The following DYNC2H1 variants were observed in gnomAD, a reference collection of about 807,000 sequenced individuals.
DYNC2H1 encodes the protein dynein cytoplasmic 2 heavy chain 1.
Under a neutral mutation model 570.0 loss-of-function variants are expected in DYNC2H1, and 410 were observed. The observed-to-expected ratio is 0.72, with a 90% CI of 0.66 to 0.78. DYNC2H1 has a LOEUF of 0.78. Among genes scored for constraint, DYNC2H1 ranks in the 30% least tolerant of loss-of-function variants. The pLI is 0.00. For missense variants in DYNC2H1, 4,865 were observed against 5,046.4 expected (o/e 0.96, Z 1.09); for synonymous variants, 1,688 against 1,677.6 (o/e 1.01, Z -0.15).
chr11:103,191,678 G>T (rs1039104078), intron 46 of DYNC2H1, 59 bp downstream of exon 46: 2 of 1,000,370 alleles, frequency 2.0e-6, no homozygotes, highest in Admixed American at 5.6e-5. Context: ...TTATTCTCTA[G>T]ATTGTATTTG....
At chr11:103,232,569 C>G (rs1294490329) in intron 60 of DYNC2H1, among the ~76,000 whole-genome samples, 1 of 151,874 alleles carries the variant, frequency 6.6e-6, no homozygotes, top group Non-Finnish European at 1.5e-5. Flanking sequence ...TTATACTGAT[C>G]CTTAATTAAG....
intron 85 of DYNC2H1, among the ~76,000 whole-genome samples, chr11:103,438,601 G>T (rs1166114328): frequency 1.3e-5 from 2 of 152,130 alleles, no homozygotes; most frequent in Non-Finnish European, 2.9e-5. Context: ...TGGGAAAAGA[G>T]AACAAACTAT....
intron 87 of DYNC2H1, among the ~76,000 whole-genome samples, chr11:103,463,705 C>A (rs1945097051): frequency 6.6e-6 from 1 of 152,194 alleles, no homozygotes; most frequent in African/African-American, 2.4e-5. Context: ...GAGTCATGAT[C>A]ATGCCACTGT....
intron 75 of DYNC2H1, among the ~76,000 whole-genome samples, chr11:103,301,939 G>A (rs190956909): frequency 4.3e-4 from 65 of 151,732 alleles, no homozygotes; most frequent in African/African-American, 1.4e-3. Flanking sequence ...CTAATTTTTC[G>A]TTTATTTTTA....
At chr11:103,266,840 C>T (rs1447080125) in intron 70 of DYNC2H1, among the ~76,000 whole-genome samples, 2 of 152,174 alleles carry the variant, frequency 1.3e-5, no homozygotes, top group Admixed American at 6.5e-5. Flanking sequence ...GAGATGCCAG[C>T]AGACCAAGGG....
At chr11:103,119,697 T>A (rs1858601719) in intron 6 of DYNC2H1, among the ~76,000 whole-genome samples, 1 of 152,170 alleles carries the variant, frequency 6.6e-6, no homozygotes, top group Non-Finnish European at 1.5e-5. Flanking sequence ...GCCCAGCCCA[T>A]GTTGTACATT....
chr11:103,132,232 C>G (rs1027752866), intron 13 of DYNC2H1, among the ~76,000 whole-genome samples: 1 of 152,010 alleles, frequency 6.6e-6, no homozygotes, highest in African/African-American at 2.4e-5. Context: ...GATTTTTTCT[C>G]AAATGTACTC....
In DYNC2H1 at chr11:103,152,293, T is replaced by A. The variant is rs1310378983; in HGVS notation, c.3096+8T>A. The A allele has an allele frequency of 6.4e-7, 1 of 1,572,180 alleles. No homozygotes were observed. ...CTTATGATTAAAGACCAGGTTAGAATCTTTTAATTATTTATTAAAATGGGA... is the reference window on the plus strand; with the variant it reads ...CTTATGATTAAAGACCAGGTTAGAAACTTTTAATTATTTATTAAAATGGGA... On this transcript the variant is annotated splice_region_variant and intron_variant, in intron 21 of 88. Transcript: ENST00000375735.
Position 103,135,852 on chromosome 11 carries a change from T to C in DYNC2H1, c.2478T>C (p.Ser826=). 6.2e-7 allele frequency: 1 copy of C among 1,613,212 alleles called. No individual in the cohort carries two copies. Among genetic ancestry groups the C allele is most frequent in the Non-Finnish European group, 8.5e-7 (1 of 1,179,582 alleles). ...VGEAGDESIF[S]IMIDRNASGF... Reference sequence around the variant, plus strand: ...AGGCAGGAGATGAATCTATTTTTTCTATTATGATTGATAGAAATGCAAGTG... The same window carrying C: ...AGGCAGGAGATGAATCTATTTTTTCCATTATGATTGATAGAAATGCAAGTG... The change falls in exon 17 of 89, where the codon TCT becomes TCC. Residue 826 remains serine, a synonymous_variant. Coordinates refer to ENST00000375735, the MANE Select transcript of DYNC2H1 (RefSeq NM_001377.3).
intron 77 of DYNC2H1, 47 bp downstream of exon 77, chr11:103,304,767 G>T: frequency 6.4e-7 from 1 of 1,566,724 alleles, no homozygotes. Flanking sequence ...ACTCAACTTA[G>T]CAATCTCCAA....
chr11:103,118,777 C>T (rs1858549183), intron 6 of DYNC2H1, among the ~76,000 whole-genome samples: 2 of 152,070 alleles, frequency 1.3e-5, no homozygotes, highest in African/African-American at 4.8e-5. Flanking sequence ...AAAGTTTCCC[C>T]TTTTTTTATG....
chr11:103,252,806 T>A lies in DYNC2H1; in HGVS notation c.10043-479T>A, dbSNP rs1864886232. On this transcript the variant is annotated intron_variant, in intron 65 of 88. Coordinates refer to ENST00000375735, the MANE Select transcript of DYNC2H1 (RefSeq NM_001377.3). This position sits in a 1 kb window ranked among gnomAD's most constrained non-coding sequence, Gnocchi z 4.6. ...TCCAAGTTTTTAGGTTATTCTTTCATTTTGTTGATAATGTGTATTTTTCAG... is the reference window on the plus strand; with the variant it reads ...TCCAAGTTTTTAGGTTATTCTTTCAATTTGTTGATAATGTGTATTTTTCAG... Among the ~76,000 whole-genome samples, 1 of 152,222 alleles carries A rather than the reference T, an allele frequency of 6.6e-6. No homozygotes were observed. The highest frequency in any genetic ancestry group is 1.5e-5 in the Non-Finnish European group (1 of 68,024).
At chr11:103,354,317 T>A (rs1339853179) in intron 82 of DYNC2H1, among the ~76,000 whole-genome samples, 1 of 152,006 alleles carries the variant, frequency 6.6e-6, no homozygotes, top group African/African-American at 2.4e-5. Flanking sequence ...AAATTCTGGG[T>A]TTTTTTCTGT....
At chr11:103,218,405 A>G (rs1333337917) in intron 55 of DYNC2H1, among the ~76,000 whole-genome samples, 1 of 152,180 alleles carries the variant, frequency 6.6e-6, no homozygotes, top group Non-Finnish European at 1.5e-5. Flanking sequence ...ATGTAAATAT[A>G]ATTTTTATAC....
At chr11:103,247,908 GT>G (rs1191696494) in intron 65 of DYNC2H1, among the ~76,000 whole-genome samples, 2 of 151,980 alleles carry the variant, frequency 1.3e-5, no homozygotes, top group African/African-American at 4.8e-5. Context: ...TACCTGAAGG[GT>G]ATAGGGACCG....
chr11:103,149,562 G>T (rs1302688798), intron 20 of DYNC2H1, among the ~76,000 whole-genome samples: 2 of 152,142 alleles, frequency 1.3e-5, no homozygotes, highest in African/African-American at 4.8e-5. Context: ...AGACTTAAAG[G>T]TATTAAAGAG....
At chr11:103,392,337 G>A (rs935803422) in intron 83 of DYNC2H1, among the ~76,000 whole-genome samples, 1 of 152,202 alleles carries the variant, frequency 6.6e-6, no homozygotes, top group Non-Finnish European at 1.5e-5. Context: ...CGTTTGCTAA[G>A]ACCGTTGGAA....
chr11:103,256,069 T>C lies in DYNC2H1; in HGVS notation c.10327-37T>C, dbSNP rs1221887985. On this transcript the variant is annotated intron_variant, in intron 67 of 88. Coordinates refer to ENST00000375735, the MANE Select transcript of DYNC2H1 (RefSeq NM_001377.3). This position sits in a 1 kb window ranked among gnomAD's most constrained non-coding sequence, Gnocchi z 4.0. ...TTTGCTTTAATTGGTTATTTTTATA[T>C]GTATAATAATATTCATATTGTTAAC... is the stretch of plus-strand genomic sequence containing the variant. 2 of 1,508,116 alleles carry C rather than the reference T, an allele frequency of 1.3e-6. No individual in the cohort carries two copies. Among genetic ancestry groups the C allele is most frequent in the Non-Finnish European group, 1.8e-6 (2 of 1,119,726 alleles). 93.4% of individuals were successfully genotyped at this position (1,508,116 alleles called of 1,614,324 possible). A position where few individuals can be genotyped will look rare whatever the true frequency, so the allele number is the denominator to read the frequency against.
intron 83 of DYNC2H1, among the ~76,000 whole-genome samples, chr11:103,383,921 C>G (rs1941770833): frequency 6.6e-6 from 1 of 152,110 alleles, no homozygotes; most frequent in Non-Finnish European, 1.5e-5. Context: ...CTTCTATGCT[C>G]CATTTTTTTA....
Sources: gnomAD v4.1 joint callset for allele counts (sites outside exome capture counted in the v4.1 genomes callset) on GRCh38, gnomAD v4.1.1 for gene constraint, Gnocchi (gnomAD v3.1) non-coding constraint, MANE v1.5 for transcripts, NCBI Gene and HGNC (gene_info 2026-07-23, HGNC 2026-07-21) for gene names.